The following EMSY variants were observed in gnomAD, a reference collection of about 807,000 sequenced individuals.
EMSY encodes the protein EMSY transcriptional repressor, BRCA2 interacting.
Under a neutral mutation model 134.6 loss-of-function variants are expected in EMSY, and 26 were observed. That is an observed-to-expected ratio of 0.19 (90% confidence interval 0.14 to 0.27). The LOEUF is 0.27. Among genes scored for constraint, EMSY ranks in the 10% least tolerant of loss-of-function variants. The pLI is 1.00. For missense variants in EMSY, 1,305 were observed against 1,611.4 expected (o/e 0.81, Z 3.26); for synonymous variants, 579 against 577.8 (o/e 1.00, Z -0.03).
At chr11:76,544,969 A>G in intron 19 of EMSY, 147 bp downstream of exon 20, 3 of 860,770 alleles carry the variant, frequency 3.5e-6, no homozygotes, top group Non-Finnish European at 5.2e-6. Flanking sequence ...ACTTTGCCCC[A>G]TCAGAAGGTT....
chr11:76,494,612 A>G (rs1949551800), intron 8 of EMSY, among the ~76,000 whole-genome samples: 1 of 136,594 alleles, frequency 7.3e-6, no homozygotes. Flanking sequence ...GATTCTGACT[A>G]CCTTGCCTGC....
At chr11:76,544,894 C>T in intron 19 of EMSY, 72 bp downstream of exon 20, 1 of 1,471,812 alleles carries the variant, frequency 6.8e-7, no homozygotes, top group South Asian at 1.3e-5. Flanking sequence ...ACATCACGAC[C>T]CTATCATGAT....
chr11:76,532,184 A>G (rs1018148853), intron 14 of EMSY, among the ~76,000 whole-genome samples: 25 of 152,172 alleles, frequency 1.6e-4, no homozygotes, highest in Non-Finnish European at 3.1e-4. Flanking sequence ...GATCATATTC[A>G]TCTTCATACA....
intron 5 of EMSY, 191 bp from the exon 7 acceptor site, chr11:76,459,742 A>G: frequency 1.9e-6 from 1 of 534,958 alleles, no homozygotes; most frequent in Non-Finnish European, 3.2e-6. Context: ...ACTTGGGAAA[A>G]ATCTATTTAA....
chr11:76,543,574 C>T (rs1951526416), intron 18 of EMSY, among the ~76,000 whole-genome samples: 1 of 152,196 alleles, frequency 6.6e-6, no homozygotes, highest in Non-Finnish European at 1.5e-5. Flanking sequence ...GATGCCTCCT[C>T]ACAACACTTA....
exon 20 of EMSY, chr11:76,546,086 C>T: frequency 6.2e-7 from 1 of 1,614,140 alleles, no homozygotes; most frequent in East Asian, 2.2e-5. Context: ...GGATCATTAC[C>T]CTCCACCCAC....
chr11:76,529,399 G>T (rs940902357), intron 14 of EMSY, among the ~76,000 whole-genome samples: 1 of 151,988 alleles, frequency 6.6e-6, no homozygotes, highest in African/African-American at 2.4e-5. Flanking sequence ...TAACTCTTTG[G>T]TGGAGTCTTC....
intron 11 of EMSY, among the ~76,000 whole-genome samples, chr11:76,519,851 T>C (rs1426087083): frequency 6.6e-6 from 1 of 152,194 alleles, no homozygotes; most frequent in African/African-American, 2.4e-5. Flanking sequence ...TTGCACCCAT[T>C]ATATCTCGAT....
intron 8 of EMSY, among the ~76,000 whole-genome samples, chr11:76,486,754 A>G (rs750640159): frequency 1.3e-4 from 20 of 152,164 alleles, no homozygotes; most frequent in Non-Finnish European, 2.4e-4. Flanking sequence ...GGCTCCAGTT[A>G]CTCCAGTTGA....
At chr11:76,548,357 T>C (rs1475500723) in intron 20 of EMSY, among the ~76,000 whole-genome samples, 1 of 152,214 alleles carries the variant, frequency 6.6e-6, no homozygotes, top group African/African-American at 2.4e-5. Flanking sequence ...TTGTGGACAG[T>C]CTGTATTTTA....
Position 76,542,123 on chromosome 11 carries a change from G to C in EMSY, c.2558-93G>C, listed in dbSNP as rs756711040. 22 of 1,495,292 alleles carry C rather than the reference G, an allele frequency of 1.5e-5. 1 individual carries two copies. The highest frequency in any genetic ancestry group is 2.0e-5 in the Non-Finnish European group (22 of 1,075,426). 92.6% of individuals were successfully genotyped at this position (1,495,292 alleles called of 1,614,324 possible). A position where few individuals can be genotyped will look rare whatever the true frequency, so the allele number is the denominator to read the frequency against. On this transcript the variant is annotated intron_variant, in intron 17 of 20. Transcript: ENST00000334736. ...TCACAATACTACACTTTCTTTCTGT[G>C]ATACAAGCTCACAGACATTTGTTTA...
At chr11:76,461,596 T>C (rs982806062) in intron 6 of EMSY, among the ~76,000 whole-genome samples, 2 of 152,220 alleles carry the variant, frequency 1.3e-5, no homozygotes, top group Non-Finnish European at 2.9e-5. Flanking sequence ...AAGGTGGTCT[T>C]TTAAAATAAC....
chr11:76,460,095 A>G lies in EMSY; in HGVS notation c.571+10A>G. ...ACTGTTTATGTCAAAAGTAAGTGAT[A>G]TTCTCAGTGTTATCAGGGCCTTCTT... On this transcript the variant is annotated intron_variant, in intron 6 of 20. Coordinates refer to ENST00000334736, the Ensembl canonical transcript of EMSY. 1 of 1,614,044 alleles carries G rather than the reference A, an allele frequency of 6.2e-7. No homozygotes were observed. The highest frequency in any genetic ancestry group is 8.5e-7 in the Non-Finnish European group (1 of 1,179,862).
intron 4 of EMSY, among the ~76,000 whole-genome samples, chr11:76,457,692 C>G (rs1947932218): frequency 6.6e-6 from 1 of 152,230 alleles, no homozygotes; most frequent in East Asian, 1.9e-4. Flanking sequence ...CTCAGTTTCC[C>G]TTGTTTGAAA....
chr11:76,508,073 G>A (rs1237241570), intron 9 of EMSY, among the ~76,000 whole-genome samples: 1 of 151,756 alleles, frequency 6.6e-6, no homozygotes, highest in Admixed American at 6.6e-5. Flanking sequence ...GTCTCACCAT[G>A]TTGCCCAGAC....
intron 8 of EMSY, among the ~76,000 whole-genome samples, chr11:76,491,209 C>G (rs1949411767): frequency 7.3e-6 from 1 of 136,916 alleles, no homozygotes; most frequent in Non-Finnish European, 1.5e-5. Flanking sequence ...AGATAGGGGT[C>G]TTACTCTGGC....
chr11:76,518,167 C>A (rs371847446), intron 11 of EMSY, among the ~76,000 whole-genome samples: 1 of 119,518 alleles, frequency 8.4e-6, no homozygotes, highest in Admixed American at 9.3e-5. Flanking sequence ...GAAGTACTTT[C>A]TTTTTTTTTT....
intron 14 of EMSY, among the ~76,000 whole-genome samples, chr11:76,534,134 T>C (rs1951143017): frequency 6.6e-6 from 1 of 152,146 alleles, no homozygotes; most frequent in South Asian, 2.1e-4. Flanking sequence ...CTTTTTCCTA[T>C]CTCTTTCTAC....
intron 10 of EMSY, among the ~76,000 whole-genome samples, chr11:76,514,806 AG>A (rs1447865613): frequency 6.6e-6 from 1 of 152,122 alleles, no homozygotes; most frequent in Non-Finnish European, 1.5e-5. Context: ...CTCTATGCAA[AG>A]CCTGTGCTTT....
Sources: allele counts gnomAD v4.1 joint callset (sites outside exome capture counted in the v4.1 genomes callset), GRCh38; gene constraint gnomAD v4.1.1; transcripts MANE v1.5; gene names NCBI Gene and HGNC (gene_info 2026-07-23, HGNC 2026-07-21).